The following CATSPERE variants were observed in gnomAD, a reference collection of about 807,000 sequenced individuals.
CATSPERE encodes the protein cation channel sperm-associated auxiliary subunit epsilon.
CATSPERE carries 93 observed loss-of-function variants against 114.1 expected under a neutral mutation model. That is an observed-to-expected ratio of 0.81 (90% CI 0.69 to 0.97). The LOEUF (loss-of-function observed/expected upper bound fraction) is 0.97. Ranked by LOEUF, CATSPERE falls within the 50% of genes least tolerant of loss-of-function variation. The pLI is 0.00. For missense variants in CATSPERE, 1,058 were observed against 1,131.6 expected (o/e 0.93, Z 0.93); for synonymous variants, 341 against 384.1 (o/e 0.89, Z 1.31).
chr1:244,615,950 TAAAA>T (rs35945015), intron 19 of CATSPERE, among the ~76,000 whole-genome samples: 9 of 115,780 alleles, frequency 7.8e-5, no homozygotes, highest in East Asian at 2.6e-4. Context: ...CCCCATCTCC[TAAAA>T]AAAAAAAAAA....
In CATSPERE at chr1:244,572,568, A is replaced by G. The variant is rs753878111; in HGVS notation, c.1746A>G (p.Lys582=). Residue 582 remains lysine (K), a synonymous_variant, in exon 11 of 22, where the codon AAA becomes AAG. Transcript: ENST00000366534. ...AQSIAFTTKD[K]CPYMAFHNNV... is the part of the protein sequence containing the mutation. The stretch of plus-strand genomic sequence containing the variant: ...GTATAGCTTTCACAACAAAAGACAA[A>G]TGCCCATACATGGCATTTCATAACA... 1 of 1,613,978 alleles carries G rather than the reference A, an allele frequency of 6.2e-7. No homozygotes were observed. Among genetic ancestry groups the G allele is most frequent in the African/African-American group, 1.3e-5 (1 of 74,934 alleles).
chr1:244,485,901 G>C (rs1670935520), intron 5 of CATSPERE, among the ~76,000 whole-genome samples: 1 of 150,168 alleles, frequency 6.7e-6, no homozygotes, highest in South Asian at 2.1e-4. Context: ...TCACTTTGTT[G>C]CCCAAGGTAG....
upstream of CATSPERE, chr1:244,451,790 C>T (rs1265399368): frequency 1.9e-6 from 3 of 1,595,924 alleles, no homozygotes; most frequent in Admixed American, 1.7e-5. The surrounding 1 kb of genome is among the most constrained non-coding windows in gnomAD (Gnocchi z 6.6). Flanking sequence ...AGGGAGGATG[C>T]CGCCGGGTAG....
At chr1:244,614,622 G>C (rs1266010828) in intron 19 of CATSPERE, among the ~76,000 whole-genome samples, 1 of 152,084 alleles carries the variant, frequency 6.6e-6, no homozygotes, top group Non-Finnish European at 1.5e-5. Context: ...TCATATCACA[G>C]TATCATTAAC....
intron 6 of CATSPERE, among the ~76,000 whole-genome samples, chr1:244,497,251 T>C (rs1464464166): frequency 6.6e-6 from 1 of 152,060 alleles, no homozygotes; most frequent in African/African-American, 2.4e-5. Flanking sequence ...AGCTGGAAGA[T>C]AAGTAAATGA....
intron 20 of CATSPERE, among the ~76,000 whole-genome samples, chr1:244,635,034 G>A (rs1466678911): frequency 1.3e-5 from 2 of 152,140 alleles, no homozygotes; most frequent in African/African-American, 4.8e-5. Flanking sequence ...TAGTAGAGAA[G>A]GGGTTTCACC....
At position 244,552,337 on chromosome 1, in the gene CATSPERE, A is replaced by G; in HGVS notation, c.552A>G (p.Val184=). 1 of 1,610,566 alleles carries G rather than the reference A, an allele frequency of 6.2e-7. No homozygotes were observed. Among genetic ancestry groups the G allele is most frequent in the Non-Finnish European group, 8.5e-7 (1 of 1,178,254 alleles). The change falls in exon 9 of 22, where the codon GTA becomes GTG. Residue 184 remains valine, a synonymous_variant. Coordinates refer to ENST00000366534, the MANE Select transcript of CATSPERE (RefSeq NM_001130957.2). ...CTCTTCTTAGGACCTGGCGTATTGT[A>G]GTACCAATGACAAAAGATGATGCAC... is the stretch of plus-strand genomic sequence containing the variant. The part of the protein sequence containing the change: ...EKMRRGTWRI[V]VPMTKDDALK...
rs139000072 is a variant in CATSPERE, at chr1:244,558,990, T to TA, written c.1030-1677dup. Among the ~76,000 whole-genome samples, 735 of 152,316 alleles carry TA rather than the reference T, an allele frequency of 4.8e-3. 6 individuals are homozygous for TA. The highest frequency in any genetic ancestry group is 0.017 in the African/African-American group (702 of 41,566). ...TGCCCCTTTCCTGCCTTCAAAGACT[T>TA]ACTACCTTACATTTTGAAGAGACCT... On this transcript the variant is annotated intron_variant, in intron 9 of 21. Transcript: ENST00000366534.
In CATSPERE at chr1:244,633,375, C is replaced by T. The variant is rs1378726348; in HGVS notation, c.2649-2114C>T. Reference sequence around the variant, plus strand: ...TCATTCTATCAAAGGTCAACTTGGCCCTCTTTTCAGTCACAATTGCCTCTA... The same window carrying T: ...TCATTCTATCAAAGGTCAACTTGGCTCTCTTTTCAGTCACAATTGCCTCTA... On this transcript the variant is annotated intron_variant, in intron 20 of 21. Coordinates refer to ENST00000366534, the MANE Select transcript of CATSPERE (RefSeq NM_001130957.2). The surrounding 1 kb of genome is among the most constrained non-coding windows in gnomAD (Gnocchi z 4.1). Among the ~76,000 whole-genome samples the T allele has an allele frequency of 6.6e-6, 1 of 152,118 alleles. No individual in the cohort carries two copies. The highest frequency in any genetic ancestry group is 1.9e-4 in the East Asian group (1 of 5,194).
chr1:244,553,644 C>CATAT (rs1553356117), intron 9 of CATSPERE, among the ~76,000 whole-genome samples: 3 of 142,218 alleles, frequency 2.1e-5, no homozygotes, highest in African/African-American at 8.2e-5. Context: ...CACACACACA[C>CATAT]ATACATATAT....
At chr1:244,546,460 C>T (rs1337173060) in intron 8 of CATSPERE, among the ~76,000 whole-genome samples, 1 of 152,042 alleles carries the variant, frequency 6.6e-6, no homozygotes, top group African/African-American at 2.4e-5. Flanking sequence ...TATGGTGTCC[C>T]CAAATGGACA....
At chr1:244,591,025 A>T (rs139048450) in intron 14 of CATSPERE, among the ~76,000 whole-genome samples, 1 of 152,222 alleles carries the variant, frequency 6.6e-6, no homozygotes, top group Non-Finnish European at 1.5e-5. Flanking sequence ...GCTGTTTTCC[A>T]TAGCAGCTGC....
chr1:244,600,498 C>T (rs1193247817), intron 17 of CATSPERE, among the ~76,000 whole-genome samples: 3 of 152,134 alleles, frequency 2.0e-5, no homozygotes, highest in Non-Finnish European at 4.4e-5. Context: ...CCAAAATGTT[C>T]ACCTCAGGCC....
chr1:244,501,327 A>C (rs1278945124), intron 7 of CATSPERE, among the ~76,000 whole-genome samples: 1 of 152,228 alleles, frequency 6.6e-6, no homozygotes, highest in Non-Finnish European at 1.5e-5. Context: ...AAGGTCCAAC[A>C]CAGTGAATAA....
rs993662887 is a variant in CATSPERE at position 244,617,703 on chromosome 1, C to T, written c.2648+17C>T. ...AAACTATAGGTGAATATATGTGTTA[C>T]TGTAATAGTGTTAGCATTAGTTCTT... On this transcript the variant is annotated intron_variant, in intron 20 of 21. Transcript: ENST00000366534. 2 of 1,514,666 alleles carry T rather than the reference C, an allele frequency of 1.3e-6. No individual in the cohort carries two copies. Among genetic ancestry groups the T allele is most frequent in the African/African-American group, 2.8e-5 (2 of 70,406 alleles). The allele number at this position is 1,514,666 out of a possible 1,614,324, so 93.8% of individuals were successfully genotyped here. A position where few individuals can be genotyped will look rare whatever the true frequency, so the allele number is the denominator to read the frequency against.
chr1:244,576,035 C>T (rs1329888432), intron 11 of CATSPERE, among the ~76,000 whole-genome samples: 1 of 152,100 alleles, frequency 6.6e-6, no homozygotes, highest in Non-Finnish European at 1.5e-5. Context: ...TGTTTTACCA[C>T]CCTGCGGCTT....
At chr1:244,635,228 C>G (rs1283009821) in intron 20 of CATSPERE, among the ~76,000 whole-genome samples, 2 of 152,072 alleles carry the variant, frequency 1.3e-5, no homozygotes, top group African/African-American at 4.8e-5. Flanking sequence ...ACCATTATTC[C>G]TGTTGCCTTG....
intron 20 of CATSPERE, among the ~76,000 whole-genome samples, chr1:244,618,420 A>T (rs1323190470): frequency 6.6e-6 from 1 of 152,210 alleles, no homozygotes; most frequent in Non-Finnish European, 1.5e-5. Flanking sequence ...TGTCTTCACT[A>T]GGAAAACGGT....
upstream of CATSPERE, among the ~76,000 whole-genome samples, chr1:244,458,391 A>C (rs1397752930): frequency 1.3e-5 from 2 of 151,962 alleles, no homozygotes; most frequent in African/African-American, 4.8e-5. Flanking sequence ...TTGTAGCTTT[A>C]ATAGTGGGTG....
Sources: allele counts gnomAD v4.1 joint callset (sites outside exome capture counted in the v4.1 genomes callset), GRCh38; gene constraint gnomAD v4.1.1; non-coding constraint Gnocchi (gnomAD v3.1); transcripts MANE v1.5; gene names NCBI Gene and HGNC (gene_info 2026-07-23, HGNC 2026-07-21).